The following TAFA5 variants were observed in gnomAD, a reference collection of about 807,000 sequenced individuals.
The protein encoded by TAFA5 is chemokine-like protein TAFA-5.
TAFA5 carries 6 observed loss-of-function variants against 15.3 expected under a neutral mutation model. The observed-to-expected ratio is 0.39, with a 90% confidence interval of 0.21 to 0.77. The LOEUF (loss-of-function observed/expected upper bound fraction) is 0.77. Ranked by LOEUF, TAFA5 falls within the 30% of genes least tolerant of loss-of-function variation. The probability of loss-of-function intolerance (pLI) is 0.41; values close to 1 mark genes in which losing one functional copy is unlikely to be tolerated. For synonymous variants in TAFA5, 103 were observed against 80.7 expected (o/e 1.28, Z -1.48); for missense variants, 161 against 193.1 (o/e 0.83, Z 0.98).
chr22:48,537,893 G>A (rs1922226101), intron 1 of TAFA5, among the ~76,000 whole-genome samples: 1 of 152,224 alleles, frequency 6.6e-6, no homozygotes, highest in Non-Finnish European at 1.5e-5. Context: ...GGCTGAGGGT[G>A]TAGGGTCAGG....
chr22:48,746,026 G>C (rs1418310429), intron 3 of TAFA5, among the ~76,000 whole-genome samples: 1 of 152,204 alleles, frequency 6.6e-6, no homozygotes, highest in African/African-American at 2.4e-5. Context: ...GCAGCCTCCA[G>C]GAGACAGCGA....
intron 1 of TAFA5, among the ~76,000 whole-genome samples, chr22:48,608,356 A>G (rs1419148400): frequency 3.9e-5 from 6 of 151,918 alleles, no homozygotes; most frequent in African/African-American, 7.3e-5. Context: ...CTGAACATTT[A>G]TGCTGGTGAA....
chr22:48,748,336 G>A (rs532924028), intron 3 of TAFA5, among the ~76,000 whole-genome samples: 9 of 152,330 alleles, frequency 5.9e-5, no homozygotes, highest in African/African-American at 1.4e-4. Flanking sequence ...GTGGATGACC[G>A]AGCGCCCGTG....
intron 1 of TAFA5, among the ~76,000 whole-genome samples, chr22:48,538,048 G>A (rs777529654): frequency 3.3e-5 from 5 of 152,268 alleles, no homozygotes; most frequent in Non-Finnish European, 7.3e-5. Flanking sequence ...AGATTCAGGT[G>A]TGGATGCTCC....
intron 2 of TAFA5, among the ~76,000 whole-genome samples, chr22:48,691,462 C>T (rs1928538890): frequency 6.6e-6 from 1 of 152,216 alleles, no homozygotes; most frequent in African/African-American, 2.4e-5. Flanking sequence ...CGCCTTGTGT[C>T]GGGCACCAGG....
chr22:48,726,835 C>T (rs1264785375), intron 3 of TAFA5, among the ~76,000 whole-genome samples: 1 of 152,198 alleles, frequency 6.6e-6, no homozygotes, highest in Non-Finnish European at 1.5e-5. Flanking sequence ...ACTCTTCATT[C>T]AACCCCGGAT....
chr22:48,718,983 G>T (rs1386179018), intron 3 of TAFA5, among the ~76,000 whole-genome samples: 2 of 152,238 alleles, frequency 1.3e-5, no homozygotes, highest in Non-Finnish European at 2.9e-5. Flanking sequence ...TCCTAGCTGA[G>T]CAATCCTCTT....
At chr22:48,573,229 G>A (rs767510699) in intron 1 of TAFA5, among the ~76,000 whole-genome samples, 8 of 152,206 alleles carry the variant, frequency 5.3e-5, no homozygotes, top group South Asian at 4.1e-4. Context: ...TCACCTTCTC[G>A]GGAGGATGTG....
intron 1 of TAFA5, among the ~76,000 whole-genome samples, chr22:48,618,741 C>G (rs1925703732): frequency 6.6e-6 from 1 of 152,228 alleles, no homozygotes. Context: ...TGGGAGCAGG[C>G]AGGTGGCTTT....
chr22:48,517,957 T>G (rs144609653), intron 1 of TAFA5, among the ~76,000 whole-genome samples: 1 of 152,274 alleles, frequency 6.6e-6, no homozygotes, highest in East Asian at 1.9e-4. Flanking sequence ...CCTTTGTGTC[T>G]CCTCCCTAAT....
chr22:48,567,819 T>C (rs12484443), intron 1 of TAFA5, among the ~76,000 whole-genome samples: 12,286 of 152,180 alleles, frequency 0.081, 503 homozygotes, highest in Middle Eastern at 0.14. Flanking sequence ...GCCTGGGGAA[T>C]GAGGTCTCAC....
At chr22:48,672,721 A>C (rs944006586) in intron 2 of TAFA5, among the ~76,000 whole-genome samples, 1 of 152,176 alleles carries the variant, frequency 6.6e-6, no homozygotes, top group African/African-American at 2.4e-5. Flanking sequence ...ATTGCATGAC[A>C]TCTAGGTATG....
chr22:48,646,552 G>A, intron 1 of TAFA5, 45 bp from the exon 2 acceptor site: 1 of 1,600,112 alleles, frequency 6.2e-7, no homozygotes, highest in East Asian at 2.2e-5. Context: ...GCTGTGGGGT[G>A]TCTGTAACGT....
intron 1 of TAFA5, among the ~76,000 whole-genome samples, chr22:48,640,857 C>A (rs1322548976): frequency 6.8e-6 from 1 of 147,228 alleles, no homozygotes; most frequent in African/African-American, 2.5e-5. Context: ...AAGCTGAGAC[C>A]GTGGGGGCAC....
chr22:48,666,038 A>G (rs1485504474), intron 2 of TAFA5, among the ~76,000 whole-genome samples: 4 of 152,060 alleles, frequency 2.6e-5, no homozygotes, highest in Non-Finnish European at 5.9e-5. Context: ...GAGGGTGGGG[A>G]CTGGGAGAGG....
At chr22:48,696,839 C>T (rs1928728080) in intron 2 of TAFA5, among the ~76,000 whole-genome samples, 1 of 152,250 alleles carries the variant, frequency 6.6e-6, no homozygotes, top group Non-Finnish European at 1.5e-5. Context: ...CTGCATCATT[C>T]CAGCTTCTAA....
intron 1 of TAFA5, among the ~76,000 whole-genome samples, chr22:48,564,053 C>T (rs1353697173): frequency 2.0e-5 from 3 of 152,218 alleles, no homozygotes; most frequent in African/African-American, 7.2e-5. Flanking sequence ...CGAGGCCTGG[C>T]GTGCACATGA....
chr22:48,659,722 G>T (rs1363495184), intron 2 of TAFA5, among the ~76,000 whole-genome samples: 4 of 150,540 alleles, frequency 2.7e-5, no homozygotes, highest in African/African-American at 9.9e-5. Flanking sequence ...GTGCTGGGAA[G>T]GCCTCCGTCC....
intron 1 of TAFA5, among the ~76,000 whole-genome samples, chr22:48,575,151 C>T (rs1923719285): frequency 6.6e-6 from 1 of 152,154 alleles, no homozygotes; most frequent in Non-Finnish European, 1.5e-5. Flanking sequence ...TCTCCTGGGG[C>T]CTTGGGTGCG....
Sources: gnomAD v4.1 joint callset for allele counts (sites outside exome capture counted in the v4.1 genomes callset) on GRCh38, gnomAD v4.1.1 for gene constraint, MANE v1.5 for transcripts, NCBI Gene and HGNC (gene_info 2026-07-23, HGNC 2026-07-21) for gene names.